Variants in EVA1C observed in about 807,000 individuals in gnomAD.
EVA1C encodes the protein eva-1 homolog C, also known as protein eva-1 homolog C.
A neutral mutation model predicts 45.4 loss-of-function variants in EVA1C; 25 were observed. That is an observed-to-expected ratio of 0.55 (90% confidence interval 0.40 to 0.77). The LOEUF is 0.77. Among genes scored for constraint, EVA1C ranks in the 30% least tolerant of loss-of-function variants. The pLI is 0.00. For missense variants in EVA1C, 479 were observed against 554.8 expected, an observed-to-expected ratio of 0.86 and a Z score of 1.37; for synonymous variants, 190 against 221.2, an observed-to-expected ratio of 0.86 and a Z score of 1.25.
At chr21:32,426,205 C>T (rs545787719) in intron 1 of EVA1C, among the ~76,000 whole-genome samples, 3 of 152,252 alleles carry the variant, frequency 2.0e-5, no homozygotes, top group African/African-American at 7.2e-5. Flanking sequence ...CTTTTGCCTT[C>T]ATCTCAAGCT....
chr21:32,511,138 A>G (rs1296430207), intron 7 of EVA1C, among the ~76,000 whole-genome samples: 1 of 152,138 alleles, frequency 6.6e-6, no homozygotes, highest in Non-Finnish European at 1.5e-5. Flanking sequence ...TCCTTGGACT[A>G]GGCACGGTGG....
rs2035638020 is a variant in EVA1C, at chr21:32,452,977, ATG to A, written c.161-334_161-333del. ...TGGCAGGCCAGAGTAGTCTTGGAAA[ATG>A]CAACATTTGGACATGAAAACAGGAG... On this transcript the variant is annotated intron_variant, in intron 1 of 7. Transcript: ENST00000300255. This position sits in a 1 kb window ranked among gnomAD's most constrained non-coding sequence, Gnocchi z 4.0. 1 of 220,968 alleles carries A rather than the reference ATG, an allele frequency of 4.5e-6. No individual in the cohort carries two copies. The highest frequency in any genetic ancestry group is 9.0e-6 in the Non-Finnish European group (1 of 111,706). 13.7% of individuals were successfully genotyped at this position (220,968 alleles called of 1,614,324 possible).
chr21:32,496,828 G>A (rs1350031632), intron 5 of EVA1C: 1 of 837,416 alleles, frequency 1.2e-6, no homozygotes, highest in Admixed American at 1.7e-5. Flanking sequence ...TCTAGTGAAA[G>A]GAGACCAGGT....
intron 4 of EVA1C, among the ~76,000 whole-genome samples, chr21:32,485,571 G>C (rs1165399879): frequency 1.3e-5 from 2 of 151,936 alleles, no homozygotes; most frequent in Admixed American, 1.3e-4. Context: ...GGCTCCTCAT[G>C]GGCCGGCTCC....
At chr21:32,494,941 A>G (rs1469965366) in intron 4 of EVA1C, 86 bp from the exon 5 acceptor site, 2 of 1,360,292 alleles carry the variant, frequency 1.5e-6, no homozygotes, top group Non-Finnish European at 2.0e-6. Context: ...CCAGCTCAGC[A>G]TATTTATTTA....
Position 32,503,973 on chromosome 21 carries a change from A to G in EVA1C, c.907A>G (p.Ile303Val). 1 of 1,611,876 alleles carries G rather than the reference A, an allele frequency of 6.2e-7. No individual in the cohort carries two copies. The highest frequency in any genetic ancestry group is 8.5e-7 in the Non-Finnish European group (1 of 1,179,772). Reference protein sequence around the residue: ...SGSKVLRKDGILVSNSLAAFA... With the variant: ...SGSKVLRKDGVLVSNSLAAFA... Reference sequence around the variant, plus strand: ...ATCGAAGGTTCTGAGGAAAGATGGAATTCTTGTTAGCAACTCTCTGGCAGC... The same window carrying G: ...ATCGAAGGTTCTGAGGAAAGATGGAGTTCTTGTTAGCAACTCTCTGGCAGC... Residue 303 changes from isoleucine to valine, a missense_variant, in exon 7 of 8, where the codon ATT becomes GTT. Coordinates refer to ENST00000300255, the MANE Select transcript of EVA1C (RefSeq NM_058187.5).
chr21:32,412,819 C>T lies in EVA1C; in HGVS notation c.-35C>T, dbSNP rs1027675784. ...TAGCCCTGCGACCCCCAGCGCGTCCCGGGCCTGCGCCTCCGCCCCGCCGCG... is the reference window on the plus strand; with the variant it reads ...TAGCCCTGCGACCCCCAGCGCGTCCTGGGCCTGCGCCTCCGCCCCGCCGCG... On this transcript the variant is annotated 5_prime_UTR_variant, in exon 1 of 8. Transcript: ENST00000300255. 219 of 1,363,126 alleles carry T rather than the reference C, an allele frequency of 1.6e-4. No homozygotes were observed. The highest frequency in any genetic ancestry group is 3.9e-4 in the Admixed American group (10 of 25,480). 84.4% of individuals were successfully genotyped at this position (1,363,126 alleles called of 1,614,324 possible).
At chr21:32,435,214 T>G (rs978789639) in intron 1 of EVA1C, among the ~76,000 whole-genome samples, 1 of 151,920 alleles carries the variant, frequency 6.6e-6, no homozygotes, top group African/African-American at 2.4e-5. Flanking sequence ...ATTTTTACAT[T>G]TTATTAATTT....
intron 1 of EVA1C, among the ~76,000 whole-genome samples, chr21:32,415,842 T>C (rs2034016460): frequency 1.3e-5 from 2 of 152,224 alleles, no homozygotes; most frequent in South Asian, 4.1e-4. Flanking sequence ...CATGCAAAAT[T>C]AGTGCCTCTG....
intron 7 of EVA1C, among the ~76,000 whole-genome samples, chr21:32,508,275 C>T (rs1443402057): frequency 5.9e-5 from 9 of 152,258 alleles, no homozygotes; most frequent in African/African-American, 1.4e-4. Flanking sequence ...CTAATATTTC[C>T]GTCACTGCCC....
chr21:32,444,882 G>A (rs184616496), intron 1 of EVA1C, among the ~76,000 whole-genome samples: 4 of 152,312 alleles, frequency 2.6e-5, no homozygotes, highest in African/African-American at 4.8e-5. Context: ...AAGGAAACAC[G>A]TGAAAGATCA....
rs2036499605 is a variant in EVA1C, at chr21:32,474,854, T to C, written c.634+7006T>C. 6.6e-6 allele frequency among the ~76,000 whole-genome samples: 1 copy of C among 152,224 alleles called. No individual in the cohort carries two copies. The highest frequency in any genetic ancestry group is 1.5e-5 in the Non-Finnish European group (1 of 68,044). ...GGATTTTCTTTTTTTCTAAGTGAAA[T>C]GTTCCAACTTCTAAAACATTGTGTG... On this transcript the variant is annotated intron_variant, in intron 4 of 7. Coordinates refer to ENST00000300255, the MANE Select transcript of EVA1C (RefSeq NM_058187.5). The surrounding 1 kb of genome is among the most constrained non-coding windows in gnomAD (Gnocchi z 4.4).
intron 1 of EVA1C, among the ~76,000 whole-genome samples, chr21:32,435,561 T>C (rs1162734312): frequency 2.6e-5 from 4 of 152,186 alleles, no homozygotes; most frequent in Non-Finnish European, 5.9e-5. Context: ...ATTTCCTAGA[T>C]TTCCCAGCCA....
chr21:32,495,123 CCT>C lies in EVA1C; in HGVS notation c.732_733del (p.Cys245PhefsTer24), dbSNP rs1389401103. 6.2e-6 allele frequency: 10 copies of C among 1,613,912 alleles called. No individual in the cohort carries two copies. Among genetic ancestry groups the C allele is most frequent in the South Asian group, 5.5e-5 (5 of 91,070 alleles). ...GTCAACAATCACCATTTTGGAAGCC[CCT>C]GTTTGCCAGGCGTGAAAAAATACCT... On this transcript the variant is annotated frameshift_variant, in exon 5 of 8. Transcript: ENST00000300255. LOFTEE classifies it high-confidence loss of function.
intron 1 of EVA1C, among the ~76,000 whole-genome samples, chr21:32,430,585 C>T (rs1276882169): frequency 1.3e-5 from 2 of 152,056 alleles, no homozygotes; most frequent in Non-Finnish European, 2.9e-5. Flanking sequence ...CTGGGGAGGC[C>T]TCATGATTAT....
chr21:32,431,518 C>T (rs757530575), intron 1 of EVA1C, among the ~76,000 whole-genome samples: 1 of 152,256 alleles, frequency 6.6e-6, no homozygotes, highest in Non-Finnish European at 1.5e-5. Context: ...AGCTAACTGA[C>T]TATGGATCTC....
chr21:32,461,677 C>T (rs1356886911), intron 3 of EVA1C, among the ~76,000 whole-genome samples: 4 of 152,150 alleles, frequency 2.6e-5, no homozygotes, highest in Non-Finnish European at 5.9e-5. Flanking sequence ...GTATTTACAC[C>T]AGGGAAATGG....
chr21:32,448,940 A>AAGAAAGAAAG (rs1416442493), intron 1 of EVA1C, among the ~76,000 whole-genome samples: 546 of 47,690 alleles, frequency 0.011, 4 homozygotes, highest in African/African-American at 0.11. Context: ...AAGAGAGAGA[A>AAGAAAGAAAG]AGAGAGAAAG....
chr21:32,462,436 ATTTCAGCATCACTATGC>A (rs1201382234), intron 3 of EVA1C, among the ~76,000 whole-genome samples: 4 of 152,210 alleles, frequency 2.6e-5, no homozygotes, highest in Admixed American at 6.5e-5. Flanking sequence ...GACTATCTAC[ATTTCAGCATCACTATGC>A]ACTGGCAATT....
Sources: gnomAD v4.1 joint callset for allele counts (sites outside exome capture counted in the v4.1 genomes callset) on GRCh38, gnomAD v4.1.1 for gene constraint, Gnocchi (gnomAD v3.1) non-coding constraint, MANE v1.5 for transcripts, NCBI Gene and HGNC (gene_info 2026-07-23, HGNC 2026-07-21) for gene names.